Variants in RIMBP2 observed in about 807,000 individuals in gnomAD.
The protein encoded by RIMBP2 is RIMS binding protein 2, also known as RIMS-binding protein 2.
RIMBP2 carries 48 observed loss-of-function variants against 118.6 expected under a neutral mutation model. The observed-to-expected ratio is 0.40, with a 90% CI of 0.32 to 0.51. The LOEUF (loss-of-function observed/expected upper bound fraction) is 0.51. Among genes scored for constraint, RIMBP2 ranks in the 20% least tolerant of loss-of-function variants. RIMBP2 has a pLI of 0.41. For synonymous variants in RIMBP2, 762 were observed against 742.9 expected (o/e 1.03, Z -0.42); for missense variants, 1,551 against 1,768.3 (o/e 0.88, Z 2.20).
At chr12:130,600,173 A>C (rs931163765) in intron 2 of RIMBP2, among the ~76,000 whole-genome samples, 2 of 152,226 alleles carry the variant, frequency 1.3e-5, no homozygotes, top group Non-Finnish European at 2.9e-5. Flanking sequence ...CACCTTAGGC[A>C]CATGTTGTCA....
At chr12:130,616,454 G>A (rs61934653) in intron 2 of RIMBP2, among the ~76,000 whole-genome samples, 22,344 of 152,074 alleles carry the variant, frequency 0.15, 1,835 homozygotes, top group Non-Finnish European at 0.2. Context: ...CAACTACCAC[G>A]GTTGCAAACC....
Position 130,413,052 on chromosome 12 carries a change from G to A in RIMBP2, c.3421-265C>T, listed in dbSNP as rs78155941. Among the ~76,000 whole-genome samples, 112 of 152,080 alleles carry A rather than the reference G, an allele frequency of 7.4e-4. 3 individuals carry two copies. The East Asian group carries it at 0.02, about 28-fold the overall frequency. ...TCTCATCAGGCAGGGTGTTTGCTTG[G>A]ATGAATGCATGTTATTTAAATTCAC... On this transcript the variant is annotated intron_variant, in intron 18 of 22. Coordinates refer to ENST00000690449, the MANE Select transcript of RIMBP2 (RefSeq NM_001393629.1).
intron 2 of RIMBP2, among the ~76,000 whole-genome samples, chr12:130,519,579 C>A (rs181624893): frequency 2.6e-5 from 4 of 152,284 alleles, no homozygotes; most frequent in Admixed American, 2.0e-4. Context: ...AGAACTGCAG[C>A]CTCTTCAGCA....
chr12:130,526,793 C>A (rs1001343624), intron 2 of RIMBP2, among the ~76,000 whole-genome samples: 3 of 151,932 alleles, frequency 2.0e-5, no homozygotes, highest in African/African-American at 7.3e-5. Flanking sequence ...ATTATAATAA[C>A]GTAAAATAAA....
chr12:130,633,584 A>G (rs1431939949), intron 1 of RIMBP2, among the ~76,000 whole-genome samples: 1 of 152,190 alleles, frequency 6.6e-6, no homozygotes, highest in African/African-American at 2.4e-5. Context: ...CCCACAGGGT[A>G]GTAACAGTGA....
intron 4 of RIMBP2, among the ~76,000 whole-genome samples, chr12:130,497,946 A>G (rs1010451739): frequency 6.6e-6 from 1 of 151,990 alleles, no homozygotes; most frequent in East Asian, 1.9e-4. Context: ...GAAATCACCA[A>G]CTCTCCTGTG....
chr12:130,646,400 TGCCTCTC>T lies in RIMBP2; in HGVS notation c.-351-17951_-351-17945del, dbSNP rs2062960522. On this transcript the variant is annotated intron_variant, in intron 1 of 22. Coordinates refer to ENST00000690449, the MANE Select transcript of RIMBP2 (RefSeq NM_001393629.1). Reference sequence around the variant, plus strand: ...CTCCCTCACCACCTCCCTCACCACCTGCCTCTCCACCTCCCTCACCACTTCCCTCTCC... The same window carrying T: ...CTCCCTCACCACCTCCCTCACCACCTCACCTCCCTCACCACTTCCCTCTCC... Among the ~76,000 whole-genome samples, 3 of 136,778 alleles carry T rather than the reference TGCCTCTC, an allele frequency of 2.2e-5. 1 individual carries two copies. The highest frequency in any genetic ancestry group is 4.8e-5 in the Non-Finnish European group (3 of 62,740). 89.7% of individuals were successfully genotyped at this position (136,778 alleles called of 152,430 possible).
chr12:130,407,639 G>A, intron 20 of RIMBP2, 87 bp downstream of exon 20: 1 of 1,023,858 alleles, frequency 9.8e-7, no homozygotes, highest in Non-Finnish European at 1.6e-6. Context: ...ATGAGGAGGT[G>A]AACACACGTG....
chr12:130,712,532 G>A (rs149837349), intron 1 of RIMBP2, among the ~76,000 whole-genome samples: 2,079 of 152,198 alleles, frequency 0.014, 31 homozygotes, highest in Non-Finnish European at 0.018. Context: ...GGTCTCCAGG[G>A]GAATAACACA....
At chr12:130,430,325 G>T (rs2077071669) in intron 14 of RIMBP2, 1 of 152,230 alleles carries the variant, frequency 6.6e-6, no homozygotes, top group African/African-American at 2.4e-5. Flanking sequence ...TGGGGATAGG[G>T]GAGGTGCTGA....
rs966352571 is a variant in RIMBP2 at position 130,492,789 on chromosome 12, T to C, written c.-3-13773A>G. ...TATTGAATGGCAACAAAAAATACCG[T>C]CCTTCCTAGGTTGTCGCAAGAATGA... On this transcript the variant is annotated intron_variant, in intron 4 of 22. Transcript: ENST00000690449. Among the ~76,000 whole-genome samples the C allele has an allele frequency of 1.1e-4, 17 of 152,276 alleles. 1 individual carries two copies. The East Asian group carries it at 3.3e-3, about 29-fold the overall frequency.
At chr12:130,593,388 A>G (rs913662288) in intron 2 of RIMBP2, among the ~76,000 whole-genome samples, 7 of 152,234 alleles carry the variant, frequency 4.6e-5, no homozygotes, top group Non-Finnish European at 1.0e-4. Flanking sequence ...CCGCACAGGG[A>G]AGACGCTTGA....
At chr12:130,433,364 T>C (rs2077279864) in intron 14 of RIMBP2, among the ~76,000 whole-genome samples, 1 of 152,168 alleles carries the variant, frequency 6.6e-6, no homozygotes, top group Non-Finnish European at 1.5e-5. Flanking sequence ...GTGTGACTCC[T>C]CTCGGATGGA....
Position 130,647,224 on chromosome 12 carries a change from G to A in RIMBP2, c.-351-18768C>T, listed in dbSNP as rs1006581672. On this transcript the variant is annotated intron_variant, in intron 1 of 22. Coordinates refer to ENST00000690449, the MANE Select transcript of RIMBP2 (RefSeq NM_001393629.1). ...ATAAAAATACAAAAATTAGCGAGGC[G>A]TGATGGTGCACACCTGTAATCCTAG... Among the ~76,000 whole-genome samples the A allele has an allele frequency of 1.1e-4, 16 of 152,286 alleles. No individual in the cohort carries two copies. The Middle Eastern group carries it at 0.014, about 129-fold the overall frequency.
intron 2 of RIMBP2, among the ~76,000 whole-genome samples, chr12:130,552,559 C>A (rs531478223): frequency 7.0e-4 from 106 of 152,308 alleles, no homozygotes; most frequent in Non-Finnish European, 1.3e-3. Context: ...ATCTTAAAAA[C>A]TGCTGGTGAG....
Position 130,506,768 on chromosome 12 carries a change from C to T in RIMBP2, c.-124G>A, listed in dbSNP as rs1295577840. 2 of 985,614 alleles carry T rather than the reference C, an allele frequency of 2.0e-6. No homozygotes were observed. The highest frequency in any genetic ancestry group is 2.4e-6 in the Non-Finnish European group (2 of 829,950). The allele number at this position is 985,614 out of a possible 1,614,324, so 61.1% of individuals were successfully genotyped here. A position where few individuals can be genotyped will look rare whatever the true frequency, so the allele number is the denominator to read the frequency against. The stretch of plus-strand genomic sequence containing the variant: ...GGTTGAGATGCACATACTCTGCCTT[C>T]ACCTGCAAGCGGAAGGGATGGAGAC... On this transcript the variant is annotated splice_region_variant and 5_prime_UTR_variant, in exon 4 of 23. It removes the in-frame stop codon of an upstream open reading frame in the 5' UTR. Coordinates refer to ENST00000690449, the MANE Select transcript of RIMBP2 (RefSeq NM_001393629.1).
At chr12:130,659,395 C>A (rs943183554) in intron 1 of RIMBP2, among the ~76,000 whole-genome samples, 1 of 151,464 alleles carries the variant, frequency 6.6e-6, no homozygotes, top group Non-Finnish European at 1.5e-5. Flanking sequence ...CACGGTGAAA[C>A]CCCATCTCTA....
intron 2 of RIMBP2, among the ~76,000 whole-genome samples, chr12:130,533,901 C>T (rs749291124): frequency 5.3e-5 from 8 of 152,090 alleles, no homozygotes; most frequent in Non-Finnish European, 1.2e-4. Context: ...TGCGGTGGCT[C>T]ATGCCTGTAA....
At chr12:130,417,440 T>C (rs1445817219) in intron 17 of RIMBP2, among the ~76,000 whole-genome samples, 12 of 152,214 alleles carry the variant, frequency 7.9e-5, no homozygotes, top group Non-Finnish European at 1.5e-5. Context: ...CTGCAGCCAC[T>C]GGAGGCCATC....
Sources: gnomAD v4.1 joint callset for allele counts (sites outside exome capture counted in the v4.1 genomes callset) on GRCh38, gnomAD v4.1.1 for gene constraint, MANE v1.5 for transcripts, NCBI Gene and HGNC (gene_info 2026-07-23, HGNC 2026-07-21) for gene names.